Variants in SUMF1 observed in about 807,000 individuals in gnomAD.
SUMF1 encodes formylglycine-generating enzyme.
In SUMF1, 48 loss-of-function variants were observed where a neutral mutation model predicts 47.6. That is an observed-to-expected ratio of 1.01 (90% CI 0.80 to 1.28). The LOEUF is 1.28. Among genes scored for constraint, SUMF1 ranks in the 50% most tolerant of loss-of-function variants. The probability of loss-of-function intolerance (pLI) is 0.00; values close to 1 mark genes in which losing one functional copy is unlikely to be tolerated. For missense variants in SUMF1, 571 were observed against 485.4 expected, an observed-to-expected ratio of 1.18 and a Z score of -1.66; for synonymous variants, 230 against 192.1, an observed-to-expected ratio of 1.20 and a Z score of -1.63.
intron 8 of SUMF1, among the ~76,000 whole-genome samples, chr3:4,114,365 T>C (rs1353010694): frequency 6.6e-6 from 1 of 152,100 alleles, no homozygotes; most frequent in Non-Finnish European, 1.5e-5. Context: ...TAGACTACCA[T>C]GTGATGAAAG....
chr3:4,044,039 T>C (rs1694962319), intron 9 of SUMF1, among the ~76,000 whole-genome samples: 1 of 152,110 alleles, frequency 6.6e-6, no homozygotes. Context: ...GGCACAATAG[T>C]CATTTTGGCC....
chr3:4,303,843 TC>T (rs1221968296), intron 8 of SUMF1: 3 of 1,335,218 alleles, frequency 2.2e-6, no homozygotes, highest in African/African-American at 3.0e-5. Flanking sequence ...GTCATTTACC[TC>T]CCTGGTCTCA....
At chr3:4,137,366 G>C (rs1312933043) in intron 8 of SUMF1, among the ~76,000 whole-genome samples, 2 of 151,242 alleles carry the variant, frequency 1.3e-5, no homozygotes, top group African/African-American at 4.9e-5. Flanking sequence ...GCAAACTATT[G>C]CAAGAACAAA....
intron 3 of SUMF1, among the ~76,000 whole-genome samples, chr3:4,436,600 T>TA (rs11313088): frequency 0.024 from 3,518 of 144,260 alleles, 43 homozygotes; most frequent in African/African-American, 0.031. Context: ...AGTTGTTAAT[T>TA]AAAAAAAAAA....
chr3:4,246,118 G>C (rs1696663202), intron 8 of SUMF1, among the ~76,000 whole-genome samples: 1 of 152,194 alleles, frequency 6.6e-6, no homozygotes, highest in African/African-American at 2.4e-5. Flanking sequence ...CATGAGAAAA[G>C]TGCCGTATTT....
At chr3:4,119,588 A>G (rs1210849283) in intron 8 of SUMF1, among the ~76,000 whole-genome samples, 2 of 152,102 alleles carry the variant, frequency 1.3e-5, no homozygotes, top group Admixed American at 1.3e-4. Context: ...CACATTGTCT[A>G]TGAAGCCATG....
At chr3:4,417,308 A>C in intron 5 of SUMF1, 66 bp from the exon 6 acceptor site, 1 of 1,334,402 alleles carries the variant, frequency 7.5e-7, no homozygotes, top group Admixed American at 1.7e-5. Flanking sequence ...AGTCAAGAGA[A>C]GGGATGCAAT....
intron 4 of SUMF1, among the ~76,000 whole-genome samples, chr3:4,419,666 G>T (rs1701826910): frequency 6.6e-6 from 1 of 152,158 alleles, no homozygotes; most frequent in Non-Finnish European, 1.5e-5. Context: ...GGCTTCCACA[G>T]TGGCAACCTG....
intron 3 of SUMF1, among the ~76,000 whole-genome samples, chr3:4,425,825 T>A (rs1050645071): frequency 2.6e-5 from 4 of 152,162 alleles, no homozygotes; most frequent in African/African-American, 9.6e-5. Context: ...ACTGTGGAGG[T>A]CTCACAATCA....
At position 4,303,301 on chromosome 3, in the gene SUMF1, A is replaced by C. The variant is rs1046674536; in HGVS notation, c.1014+73029T>G. On this transcript the variant is annotated intron_variant and NMD_transcript_variant, in intron 8 of 12. Coordinates refer to the SUMF1 transcript ENST00000448413. ...TCCCATGAGGCGGTGGGGCCACGGG[A>C]CCACAAGTCCCAGCATCCACCGCGC... 2.8e-6 allele frequency: 4 copies of C among 1,429,454 alleles called. No individual in the cohort carries two copies. In the African/African-American group the frequency reaches 6.1e-5, roughly 22 times the overall value. 88.5% of individuals were successfully genotyped at this position (1,429,454 alleles called of 1,614,324 possible).
chr3:4,328,642 T>C (rs1698992638), intron 8 of SUMF1, among the ~76,000 whole-genome samples: 1 of 152,022 alleles, frequency 6.6e-6, no homozygotes, highest in Non-Finnish European at 1.5e-5. Context: ...GGGATTATTA[T>C]AATTCAAGGT....
In SUMF1 at chr3:4,113,037, T is replaced by C. The variant is rs371803012; in HGVS notation, c.1015-44292A>G. Among the ~76,000 whole-genome samples, 13 of 152,254 alleles carry C rather than the reference T, an allele frequency of 8.5e-5. 2 individuals carry two copies. Among genetic ancestry groups the C allele is most frequent in the Admixed American group, 6.5e-5 (1 of 15,298 alleles). On this transcript the variant is annotated intron_variant and NMD_transcript_variant, in intron 8 of 12. Coordinates refer to the SUMF1 transcript ENST00000448413. ...CCTCATCACTCATTGAGAAAATACA[T>C]TTGGTAAAGCTGATTTAAAATGAGA... is the stretch of plus-strand genomic sequence containing the variant.
chr3:4,094,716 G>C (rs751637209), intron 8 of SUMF1, among the ~76,000 whole-genome samples: 1 of 152,112 alleles, frequency 6.6e-6, no homozygotes, highest in Non-Finnish European at 1.5e-5. Context: ...ACCAATGTCA[G>C]TGAGAAGGTT....
intron 8 of SUMF1, among the ~76,000 whole-genome samples, chr3:4,094,115 T>A (rs904068636): frequency 6.6e-6 from 1 of 151,870 alleles, no homozygotes; most frequent in Non-Finnish European, 1.5e-5. Context: ...GGAAGTAAGG[T>A]TTATGAGGTA....
intron 3 of SUMF1, among the ~76,000 whole-genome samples, chr3:4,423,406 G>A (rs1701970707): frequency 6.6e-6 from 1 of 152,020 alleles, no homozygotes; most frequent in East Asian, 1.9e-4. Flanking sequence ...TCAAAGGGGA[G>A]CTTTCCCTCA....
intron 8 of SUMF1, among the ~76,000 whole-genome samples, chr3:4,183,182 C>A (rs116120339): frequency 6.6e-6 from 1 of 152,110 alleles, no homozygotes; most frequent in Admixed American, 6.5e-5. Flanking sequence ...GAGGCAAAGA[C>A]AGTTAATTTA....
At chr3:4,298,727 T>A (rs1697908041) in intron 8 of SUMF1, among the ~76,000 whole-genome samples, 1 of 152,230 alleles carries the variant, frequency 6.6e-6, no homozygotes, top group Non-Finnish European at 1.5e-5. Context: ...CTTCTTCATG[T>A]ATACATTCCC....
chr3:4,101,821 T>C (rs1319244919), intron 8 of SUMF1, among the ~76,000 whole-genome samples: 2 of 152,148 alleles, frequency 1.3e-5, no homozygotes, highest in African/African-American at 2.4e-5. Context: ...TATTATTTCA[T>C]TCTCACACTG....
At chr3:4,233,819 A>G (rs1038000542) in intron 8 of SUMF1, among the ~76,000 whole-genome samples, 1 of 152,162 alleles carries the variant, frequency 6.6e-6, no homozygotes, top group African/African-American at 2.4e-5. Context: ...TGTGGTTAAA[A>G]GCAGAGTACT....
Sources: gnomAD v4.1 joint callset for allele counts (sites outside exome capture counted in the v4.1 genomes callset) on GRCh38, gnomAD v4.1.1 for gene constraint, MANE v1.5 for transcripts, NCBI Gene and HGNC (gene_info 2026-07-23, HGNC 2026-07-21) for gene names.